CEP152: variants seen among roughly 807,000 people sequenced by gnomAD.
The protein encoded by CEP152 is centrosomal protein 152.
In CEP152, 132 loss-of-function variants were observed where a neutral mutation model predicts 188.9. The ratio of observed to expected loss-of-function variants is 0.70; its 90% CI spans 0.61 to 0.81. The LOEUF (loss-of-function observed/expected upper bound fraction) is 0.81, where lower values mean the gene tolerates loss of function less well. Ranked by LOEUF, CEP152 falls within the 30% of genes least tolerant of loss-of-function variation. CEP152 has a pLI of 0.00. For missense variants in CEP152, 1,914 were observed against 1,969.8 expected, an observed-to-expected ratio of 0.97 and a Z score of 0.54; for synonymous variants, 649 against 666.6, an observed-to-expected ratio of 0.97 and a Z score of 0.41.
At chr15:48,809,213 A>G (rs1455625877) in intron 1 of CEP152, among the ~76,000 whole-genome samples, 1 of 152,168 alleles carries the variant, frequency 6.6e-6, no homozygotes, top group Non-Finnish European at 1.5e-5. Flanking sequence ...GTACATAACA[A>G]ATATTTGTTG....
intron 1 of CEP152, among the ~76,000 whole-genome samples, chr15:48,808,238 GAAC>G (rs1302808680): frequency 6.8e-6 from 1 of 146,612 alleles, no homozygotes; most frequent in East Asian, 2.0e-4. Context: ...ATAATATTCA[GAAC>G]AACAAAAGAG....
At chr15:48,746,671 G>A (rs73400338) in intron 22 of CEP152, among the ~76,000 whole-genome samples, 3,138 of 152,188 alleles carry the variant, frequency 0.021, 102 homozygotes, top group African/African-American at 0.072. Context: ...AGTATTTCCC[G>A]AGTTGTGCTA....
chr15:48,766,792 T>A (rs992148445), intron 17 of CEP152, among the ~76,000 whole-genome samples: 15 of 152,140 alleles, frequency 9.9e-5, no homozygotes, highest in African/African-American at 3.4e-4. Context: ...TGATCCTTTT[T>A]TTTTTTTTGC....
At chr15:48,776,367 ATAACTCTCAATACTGGCTAGGT>A (rs1300629046) in intron 12 of CEP152, among the ~76,000 whole-genome samples, 1 of 152,160 alleles carries the variant, frequency 6.6e-6, no homozygotes, top group Non-Finnish European at 1.5e-5. Flanking sequence ...AGGAAAAGTG[ATAACTCTCAATACTGGCTAGGT>A]TACCAAGAAA....
intron 2 of CEP152, among the ~76,000 whole-genome samples, chr15:48,803,398 T>C (rs1467793591): frequency 6.6e-6 from 1 of 152,236 alleles, no homozygotes; most frequent in African/African-American, 2.4e-5. Flanking sequence ...TGACAAAGTA[T>C]ACATACAGCT....
rs548769785 is a variant in CEP152, at chr15:48,756,377, C to T, written c.2871G>A (p.Arg957=). 3 of 1,602,614 alleles carry T rather than the reference C, an allele frequency of 1.9e-6. No individual in the cohort carries two copies. In the African/African-American group the frequency reaches 4.0e-5, roughly 22 times the overall value. ...VVIRAELAKA[R]SEWNKEKQEE... is the part of the protein sequence containing the mutation. The stretch of plus-strand genomic sequence containing the variant: ...CTTGCTTTTCTTTGTTCCATTCACT[C>T]CGAGCCTTAGCTAACTCAGCCCTGA... The change falls in exon 20 of 27, where the codon CGG becomes CGA. Residue 957 remains arginine, a synonymous_variant. Transcript: ENST00000380950.
At chr15:48,754,472 C>G (rs192169669) in intron 20 of CEP152, among the ~76,000 whole-genome samples, 125 of 152,238 alleles carry the variant, frequency 8.2e-4, no homozygotes, top group Non-Finnish European at 1.6e-3. Flanking sequence ...ATCTCCAAAT[C>G]TGCTATAATT....
chr15:48,777,596 G>A (rs768715907), intron 12 of CEP152, among the ~76,000 whole-genome samples: 17 of 151,334 alleles, frequency 1.1e-4, no homozygotes, highest in Non-Finnish European at 1.9e-4. Context: ...ATGCAAATTT[G>A]TATATGTAAT....
intron 26 of CEP152, among the ~76,000 whole-genome samples, chr15:48,739,497 CTAGA>C (rs1183792035): frequency 6.6e-6 from 1 of 152,124 alleles, no homozygotes; most frequent in Non-Finnish European, 1.5e-5. Context: ...CATATATCCA[CTAGA>C]TAAAGCTTGG....
chr15:48,804,619 T>C (rs943650980), intron 2 of CEP152, among the ~76,000 whole-genome samples: 5 of 152,244 alleles, frequency 3.3e-5, no homozygotes, highest in African/African-American at 1.2e-4. Flanking sequence ...CACCATTTAC[T>C]GAACATTTGC....
At position 48,784,104 on chromosome 15, in the gene CEP152, C is replaced by A. The variant is rs201569877; in HGVS notation, c.1190G>T (p.Arg397Leu). 6.2e-7 allele frequency: 1 copy of A among 1,613,146 alleles called. No individual in the cohort carries two copies. Among genetic ancestry groups the A allele is most frequent in the African/African-American group, 1.3e-5 (1 of 74,800 alleles). Residue 397 changes from arginine to leucine, a missense_variant, in exon 10 of 27, where the codon CGT becomes CTT. Coordinates refer to ENST00000380950, the MANE Select transcript of CEP152 (RefSeq NM_001194998.2). ...CAGTTGTTTCACGTGATCTTTCAGA[C>A]GAGAGCAAATGTCTTCCTAAATAGA... is the stretch of plus-strand genomic sequence containing the variant. The part of the protein sequence containing the change: ...ALKEQEDICS[R>L]LKDHVKQLER...
chr15:48,745,045 C>T lies in CEP152; in HGVS notation c.3635-53G>A, dbSNP rs985851647. On this transcript the variant is annotated intron_variant, in intron 22 of 26. Transcript: ENST00000380950. ...GACAGTTAAAAATTTTTTAAGCCTT[C>T]TTTTCCCTTAAGTTCCCAATACAAA... is the stretch of plus-strand genomic sequence containing the variant. 13 of 1,305,800 alleles carry T rather than the reference C, an allele frequency of 1.0e-5. No homozygotes were observed. In the African/African-American group the frequency reaches 2.0e-4, roughly 20 times the overall value. The allele number at this position is 1,305,800 out of a possible 1,614,324, so 80.9% of individuals were successfully genotyped here.
Position 48,784,136 on chromosome 15 carries a change from G to A in CEP152, c.1174-16C>T. The stretch of plus-strand genomic sequence containing the variant: ...AAATGTCTTCCTAAATAGAAAAAAA[G>A]TTCAGGAAGTCATTTTCATAAAGAG... On this transcript the variant is annotated splice_polypyrimidine_tract_variant and intron_variant, in intron 9 of 26. Transcript: ENST00000380950. 6.2e-7 allele frequency: 1 copy of A among 1,608,422 alleles called. No individual in the cohort carries two copies. The highest frequency in any genetic ancestry group is 8.5e-7 in the Non-Finnish European group (1 of 1,176,544).
intron 20 of CEP152, among the ~76,000 whole-genome samples, chr15:48,753,177 C>T (rs560446732): frequency 3.3e-5 from 5 of 152,250 alleles, no homozygotes; most frequent in East Asian, 1.9e-4. Flanking sequence ...CCTCCTCTAT[C>T]GGCCAGGCTG....
At chr15:48,802,881 G>C (rs551419598) in intron 2 of CEP152, among the ~76,000 whole-genome samples, 22 of 152,288 alleles carry the variant, frequency 1.4e-4, no homozygotes, top group African/African-American at 5.3e-4. Flanking sequence ...TGGGATATGG[G>C]CCCATGTGGA....
chr15:48,751,927 G>C (rs746406115), intron 21 of CEP152, among the ~76,000 whole-genome samples: 1 of 152,064 alleles, frequency 6.6e-6, no homozygotes, highest in African/African-American at 2.4e-5. Context: ...ACACTGCCCA[G>C]GCCCTCAGAA....
Position 48,752,351 on chromosome 15 carries a change from G to T in CEP152, c.3464C>A (p.Ala1155Asp). The change falls in exon 21 of 27, where the codon GCT (alanine) becomes GAT (aspartate). Residue 1155 changes from alanine (A) to aspartate (D), a missense_variant and splice_region_variant. Transcript: ENST00000380950. ...TGGTGGGAACAAAATCCAATTACCA[G>T]CTTCTGCTTCTGTTGCTTGTAAGGC... ...PLALQATEAE[A>D]DKKKVLEIKD... The T allele has an allele frequency of 6.2e-7, 1 of 1,613,986 alleles. No homozygotes were observed. Among genetic ancestry groups the T allele is most frequent in the Non-Finnish European group, 8.5e-7 (1 of 1,180,002 alleles).
chr15:48,796,257 C>A, intron 5 of CEP152, 97 bp from the exon 6 acceptor site: 4 of 1,345,160 alleles, frequency 3.0e-6, no homozygotes, highest in East Asian at 4.7e-5. Context: ...ACAGAACTTA[C>A]TTTTGGTACA....
intron 26 of CEP152, chr15:48,741,240 C>T: frequency 2.7e-6 from 3 of 1,121,106 alleles, no homozygotes; most frequent in Non-Finnish European, 3.3e-6. Flanking sequence ...AGGGATCCTC[C>T]CACCTCAGCC....
Sources: allele counts gnomAD v4.1 joint callset (sites outside exome capture counted in the v4.1 genomes callset), GRCh38; gene constraint gnomAD v4.1.1; transcripts MANE v1.5; gene names NCBI Gene and HGNC (gene_info 2026-07-23, HGNC 2026-07-21).